The following KLF13 variants were observed in gnomAD, a reference collection of about 807,000 sequenced individuals.
KLF13 encodes Krueppel-like factor 13.
Under a neutral mutation model 16.7 loss-of-function variants are expected in KLF13, and 8 were observed. That is an observed-to-expected ratio of 0.48 (90% confidence interval 0.28 to 0.87). KLF13 has a LOEUF of 0.87. Ranked by LOEUF, KLF13 falls within the 40% of genes least tolerant of loss-of-function variation. KLF13 has a pLI of 0.10. For synonymous variants in KLF13, 245 were observed against 208.4 expected (o/e 1.18, Z -1.51); for missense variants, 447 against 452.2 (o/e 0.99, Z 0.10).
intron 1 of KLF13, among the ~76,000 whole-genome samples, chr15:31,428,681 G>T (rs889419478): frequency 6.6e-6 from 1 of 151,318 alleles, no homozygotes; most frequent in Non-Finnish European, 1.5e-5. Context: ...GGTGGCGGGC[G>T]CCTGTAGTCC....
chr15:31,358,751 A>T (rs2039338280), intron 1 of KLF13, among the ~76,000 whole-genome samples: 1 of 152,228 alleles, frequency 6.6e-6, no homozygotes, highest in Admixed American at 6.5e-5. Flanking sequence ...CTTGTGTTTC[A>T]GAAAATATCT....
At chr15:31,336,964 C>T (rs989658963) in intron 1 of KLF13, among the ~76,000 whole-genome samples, 3 of 152,142 alleles carry the variant, frequency 2.0e-5, no homozygotes, top group Admixed American at 1.3e-4. Context: ...CCCACACATC[C>T]GAATCTGGGA....
chr15:31,359,760 G>GT (rs1266480776), intron 1 of KLF13, among the ~76,000 whole-genome samples: 2 of 152,220 alleles, frequency 1.3e-5, no homozygotes, highest in African/African-American at 4.8e-5. Flanking sequence ...CCCAGGGGCT[G>GT]TTTATCAGCA....
chr15:31,406,462 G>A (rs753911311), downstream of KLF13, among the ~76,000 whole-genome samples: 1 of 152,160 alleles, frequency 6.6e-6, no homozygotes, highest in Non-Finnish European at 1.5e-5. Context: ...ACACCACTGT[G>A]CTTCAGCCTA....
Position 31,327,634 on chromosome 15 carries a change from G to C in KLF13, c.422G>C (p.Gly141Ala). Reference protein sequence around the residue: ...LEPEREPGPAGSGEPGLRQRV... With the variant: ...LEPEREPGPAASGEPGLRQRV... The stretch of plus-strand genomic sequence containing the variant: ...CCCGAGCGGGAGCCGGGGCCCGCGG[G>C]GAGCGGCGAGCCCGGCCTCAGACAA... Residue 141 changes from glycine to alanine, a missense_variant, in exon 1 of 2, where the codon GGG becomes GCG. Physicochemically the swap from Gly to Ala is moderately conservative, Grantham distance 60. This residue lies in a region of KLF13 where 359 missense variants were observed against 282.8 expected (regional missense o/e 1.27). Transcript: ENST00000307145. The C allele has an allele frequency of 1.4e-6, 2 of 1,381,792 alleles. No homozygotes were observed. The highest frequency in any genetic ancestry group is 1.9e-6 in the Non-Finnish European group (2 of 1,051,666). The allele number at this position is 1,381,792 out of a possible 1,614,324, so 85.6% of individuals were successfully genotyped here.
At chr15:31,327,854 C>G (rs1418101866) in intron 1 of KLF13, 65 bp downstream of exon 1, 3 of 1,262,726 alleles carry the variant, frequency 2.4e-6, no homozygotes, top group Admixed American at 4.0e-5. Flanking sequence ...CCCGACCACG[C>G]CCCCGGAGTC....
intron 1 of KLF13, among the ~76,000 whole-genome samples, chr15:31,427,748 G>T (rs1053476885): frequency 1.3e-5 from 2 of 152,186 alleles, no homozygotes; most frequent in African/African-American, 4.8e-5. Flanking sequence ...TTCCAAGGGG[G>T]CCTCAAGGAA....
intron 1 of KLF13, among the ~76,000 whole-genome samples, chr15:31,346,606 C>G (rs1472451803): frequency 1.3e-5 from 2 of 152,240 alleles, no homozygotes; most frequent in African/African-American, 4.8e-5. Flanking sequence ...TGAGGCGTCC[C>G]CTCCTTGCAG....
chr15:31,345,276 A>G (rs2039094858), intron 1 of KLF13, among the ~76,000 whole-genome samples: 1 of 152,144 alleles, frequency 6.6e-6, no homozygotes, highest in South Asian at 2.1e-4. Flanking sequence ...CCTGAGTGTC[A>G]TGAGGGGCCT....
upstream of KLF13, among the ~76,000 whole-genome samples, chr15:31,389,564 T>C (rs1440843640): frequency 6.6e-6 from 1 of 152,228 alleles, no homozygotes; most frequent in Non-Finnish European, 1.5e-5. Context: ...TCTGAAACTT[T>C]ACATTAGCTC....
chr15:31,407,612 A>C (rs527921928), downstream of KLF13, among the ~76,000 whole-genome samples: 9 of 152,372 alleles, frequency 5.9e-5, no homozygotes, highest in Admixed American at 2.0e-4. Flanking sequence ...CATACACTTG[A>C]GAAATACTCT....
rs1566823529 is a variant in KLF13 at position 31,372,902 on chromosome 15, C to T, written c.*603C>T. On this transcript the variant is annotated 3_prime_UTR_variant, in exon 2 of 2. Transcript: ENST00000307145. ...CTGCAGAGGGATGCCTTAAAGCTGTCCCTGGCTGGAGGAGCACTCCACCTT... is the reference window on the plus strand; with the variant it reads ...CTGCAGAGGGATGCCTTAAAGCTGTTCCTGGCTGGAGGAGCACTCCACCTT... 6.6e-6 allele frequency: 1 copy of T among 152,390 alleles called. No homozygotes were observed. The highest frequency in any genetic ancestry group is 1.5e-5 in the Non-Finnish European group (1 of 68,148). The allele number at this position is 152,390 out of a possible 1,614,324, so 9.4% of individuals were successfully genotyped here. A position where few individuals can be genotyped will look rare whatever the true frequency, so the allele number is the denominator to read the frequency against.
Position 31,417,957 on chromosome 15 carries a change from T to G in KLF13, n.118-17413T>G, listed in dbSNP as rs2040274601. ...AAAAACCTAACAAACTTTACCTTTTTTTTAAATGACAAAGTGCACATTCAA... is the reference window on the plus strand; with the variant it reads ...AAAAACCTAACAAACTTTACCTTTTGTTTAAATGACAAAGTGCACATTCAA... On this transcript the variant is annotated intron_variant and non_coding_transcript_variant, in intron 1 of 1. Transcript: ENST00000558225. Among the ~76,000 whole-genome samples the G allele has an allele frequency of 1.3e-5, 2 of 152,204 alleles. 1 individual carries two copies. Among genetic ancestry groups the G allele is most frequent in the South Asian group, 4.1e-4 (2 of 4,834 alleles).
chr15:31,372,005 C>A lies in KLF13; in HGVS notation c.578-5C>A. Reference sequence around the variant, plus strand: ...GATACTGATGCTCTGCCCCTGTGCCCACAGGTGAGAGGCCCTTCGCCTGCA... The same window carrying A: ...GATACTGATGCTCTGCCCCTGTGCCAACAGGTGAGAGGCCCTTCGCCTGCA... On this transcript the variant is annotated splice_polypyrimidine_tract_variant and splice_region_variant and intron_variant, in intron 1 of 1. Transcript: ENST00000307145. 6.3e-7 allele frequency: 1 copy of A among 1,598,608 alleles called. No homozygotes were observed. The highest frequency in any genetic ancestry group is 2.3e-5 in the East Asian group (1 of 44,302).
At chr15:31,415,991 A>T (rs777263455) in intron 1 of KLF13, among the ~76,000 whole-genome samples, 1 of 152,132 alleles carries the variant, frequency 6.6e-6, no homozygotes, top group Non-Finnish European at 1.5e-5. Flanking sequence ...AGGAGACATT[A>T]CTACCGACTT....
downstream of KLF13, among the ~76,000 whole-genome samples, chr15:31,408,622 T>C (rs1299006873): frequency 6.6e-6 from 1 of 152,208 alleles, no homozygotes; most frequent in East Asian, 1.9e-4. Context: ...GTTGTGCTCA[T>C]TTCCAAGTAT....
At chr15:31,406,266 C>T (rs2040127945), downstream of KLF13, among the ~76,000 whole-genome samples, 1 of 152,124 alleles carries the variant, frequency 6.6e-6, no homozygotes, top group Non-Finnish European at 1.5e-5. Context: ...CACCTGAGGT[C>T]AGGAGTTTGA....
At chr15:31,343,982 C>A (rs1478912474) in intron 1 of KLF13, among the ~76,000 whole-genome samples, 11 of 152,190 alleles carry the variant, frequency 7.2e-5, no homozygotes, top group Admixed American at 5.9e-4. Flanking sequence ...ACAGGAGAGC[C>A]ACGCATTGCA....
chr15:31,361,127 C>T (rs988150699), intron 1 of KLF13, among the ~76,000 whole-genome samples: 5 of 152,182 alleles, frequency 3.3e-5, no homozygotes, highest in South Asian at 2.1e-4. Context: ...GCAAGCCTGC[C>T]GTGAAATAGG....
Sources: allele counts gnomAD v4.1 joint callset (sites outside exome capture counted in the v4.1 genomes callset), GRCh38; gene constraint gnomAD v4.1.1; regional missense constraint gnomAD v4.1.1; transcripts MANE v1.5; gene names NCBI Gene and HGNC (gene_info 2026-07-23, HGNC 2026-07-21).